Variants in GALNT18 observed in about 807,000 individuals in gnomAD.
The protein encoded by GALNT18 is GalNAc-transferase 18.
A neutral mutation model predicts 69.5 loss-of-function variants in GALNT18; 44 were observed. The observed-to-expected ratio is 0.63, with a 90% CI of 0.50 to 0.81. GALNT18 has a LOEUF of 0.81. Among genes scored for constraint, GALNT18 ranks in the 40% least tolerant of loss-of-function variants. The pLI is 0.00. For missense variants in GALNT18, 715 were observed against 810.0 expected (o/e 0.88, Z 1.42); for synonymous variants, 364 against 318.2 (o/e 1.14, Z -1.53).
chr11:11,433,608 TGA>T (rs1321567294), intron 2 of GALNT18, among the ~76,000 whole-genome samples: 1 of 152,204 alleles, frequency 6.6e-6, no homozygotes, highest in Non-Finnish European at 1.5e-5. Context: ...GGTGGTCTCT[TGA>T]GGACTTGAGG....
At chr11:11,535,638 C>A (rs1050861002) in intron 1 of GALNT18, among the ~76,000 whole-genome samples, 1 of 152,184 alleles carries the variant, frequency 6.6e-6, no homozygotes, top group Non-Finnish European at 1.5e-5. Context: ...GCTCAGATGC[C>A]GTTGGCCAGA....
chr11:11,502,829 A>G (rs1210154702), intron 1 of GALNT18, among the ~76,000 whole-genome samples: 1 of 152,190 alleles, frequency 6.6e-6, no homozygotes, highest in Non-Finnish European at 1.5e-5. Flanking sequence ...TCACGGCTGA[A>G]TTCCTTCCCA....
rs201231548 is a variant in GALNT18 at position 11,332,792 on chromosome 11, C to A, written c.1318G>T (p.Ala440Ser). ...TTGCACTGCAGCTGTTTCCTGAGAG[C>A]CTTCCTTGCAGTGATGTCCCCAATG... is the stretch of plus-strand genomic sequence containing the variant. The part of the protein sequence containing the change: ...IDIGDITARK[A>S]LRKQLQCKTF... Residue 440 changes from alanine (A) to serine (S), a missense_variant, in exon 8 of 11, where the codon GCT becomes TCT. Ala to Ser is a moderately conservative substitution (Grantham distance 99). Coordinates refer to ENST00000227756, the MANE Select transcript of GALNT18 (RefSeq NM_198516.3). The surrounding 1 kb of genome is among the most constrained non-coding windows in gnomAD (Gnocchi z 4.3). 1.9e-6 allele frequency: 3 copies of A among 1,613,960 alleles called. No individual in the cohort carries two copies. The African/African-American group carries it at 4.0e-5, about 22-fold the overall frequency.
Position 11,542,334 on chromosome 11 carries a change from T to C in GALNT18, c.235+79025A>G, listed in dbSNP as rs938673878. On this transcript the variant is annotated intron_variant, in intron 1 of 10. Coordinates refer to ENST00000227756, the MANE Select transcript of GALNT18 (RefSeq NM_198516.3). This position sits in a 1 kb window ranked among gnomAD's most constrained non-coding sequence, Gnocchi z 4.3. Reference sequence around the variant, plus strand: ...AGCAAGCCATGGACAGACGCCTCCATGCTACCATAGCAACCTGGACCTCCT... The same window carrying C: ...AGCAAGCCATGGACAGACGCCTCCACGCTACCATAGCAACCTGGACCTCCT... Among the ~76,000 whole-genome samples the C allele has an allele frequency of 2.6e-5, 4 of 152,188 alleles. No homozygotes were observed. Among genetic ancestry groups the C allele is most frequent in the African/African-American group, 9.7e-5 (4 of 41,448 alleles).
chr11:11,343,218 C>T lies in GALNT18; in HGVS notation c.1093-2214G>A, dbSNP rs139717312. ...AAAAAGTTACCCGGGCGTGGTGGCA[C>T]GTGCCTGTAGTCCCAGCAACTTGGA... On this transcript the variant is annotated intron_variant, in intron 6 of 10. Coordinates refer to ENST00000227756, the MANE Select transcript of GALNT18 (RefSeq NM_198516.3). 4.0e-3 allele frequency among the ~76,000 whole-genome samples: 603 copies of T among 152,076 alleles called. 5 individuals carry two copies. The highest frequency in any genetic ancestry group is 0.014 in the African/African-American group (571 of 41,478).
intron 1 of GALNT18, among the ~76,000 whole-genome samples, chr11:11,471,330 G>A (rs138576828): frequency 2.6e-5 from 4 of 152,286 alleles, no homozygotes; most frequent in Non-Finnish European, 4.4e-5. Context: ...AAACCCACTC[G>A]ATAAGTCATG....
chr11:11,467,026 A>T (rs1856168602), intron 1 of GALNT18, among the ~76,000 whole-genome samples: 1 of 152,226 alleles, frequency 6.6e-6, no homozygotes, highest in African/African-American at 2.4e-5. Flanking sequence ...GATTAATAAA[A>T]GATGGAAAAT....
chr11:11,524,807 C>A (rs865818986), intron 1 of GALNT18, among the ~76,000 whole-genome samples: 1 of 152,202 alleles, frequency 6.6e-6, no homozygotes, highest in African/African-American at 2.4e-5. Context: ...AGTGAACAAA[C>A]GAAATGTATA....
At chr11:11,285,131 C>T (rs1360151795) in intron 10 of GALNT18, among the ~76,000 whole-genome samples, 3 of 151,944 alleles carry the variant, frequency 2.0e-5, no homozygotes, top group Non-Finnish European at 4.4e-5. Context: ...CCAGTCCACA[C>T]ATATTTGCGA....
chr11:11,376,791 C>A (rs916972408), intron 5 of GALNT18, among the ~76,000 whole-genome samples: 3 of 152,154 alleles, frequency 2.0e-5, no homozygotes, highest in Non-Finnish European at 4.4e-5. Flanking sequence ...CTCTGAAAAG[C>A]ATTTCCCCGC....
At position 11,461,497 on chromosome 11, in the gene GALNT18, C is replaced by A. The variant is rs566287299; in HGVS notation, c.236-12561G>T. Among the ~76,000 whole-genome samples the A allele has an allele frequency of 1.3e-5, 2 of 152,122 alleles. No individual in the cohort carries two copies. The highest frequency in any genetic ancestry group is 4.8e-5 in the African/African-American group (2 of 41,412). The stretch of plus-strand genomic sequence containing the variant: ...CCATTACTTGCTACTTTAAAGCAAC[C>A]TTTAAAGCTAGAATTCTGCCTAGGA... On this transcript the variant is annotated intron_variant, in intron 1 of 10. Coordinates refer to ENST00000227756, the MANE Select transcript of GALNT18 (RefSeq NM_198516.3). This position sits in a 1 kb window ranked among gnomAD's most constrained non-coding sequence, Gnocchi z 4.1.
rs534002735 is a variant in GALNT18 at position 11,604,414 on chromosome 11, C to T, written c.235+16945G>A. Among the ~76,000 whole-genome samples the T allele has an allele frequency of 6.6e-6, 1 of 152,302 alleles. No individual in the cohort carries two copies. Among genetic ancestry groups the T allele is most frequent in the East Asian group, 1.9e-4 (1 of 5,178 alleles). On this transcript the variant is annotated intron_variant, in intron 1 of 10. Transcript: ENST00000227756. The surrounding 1 kb of genome is among the most constrained non-coding windows in gnomAD (Gnocchi z 5.6). ...ACTATTCAGGTAGCCCATTCCTGAT[C>T]CCACACTGCTGGAGAGTGGGGAAGG... is the stretch of plus-strand genomic sequence containing the variant.
chr11:11,271,353 C>T (rs929178498), intron 10 of GALNT18, 63 bp from the exon 11 acceptor site: 1 of 1,561,330 alleles, frequency 6.4e-7, no homozygotes, highest in Admixed American at 1.7e-5. Context: ...AATTCGGGAG[C>T]CTCAGGCCAA....
At chr11:11,450,078 A>ATTGG (rs1229410118) in intron 1 of GALNT18, among the ~76,000 whole-genome samples, 1 of 143,004 alleles carries the variant, frequency 7.0e-6, no homozygotes, top group East Asian at 3.0e-4. Context: ...ATTGGACAGA[A>ATTGG]CTGGCAAGCC....
At position 11,591,214 on chromosome 11, in the gene GALNT18, T is replaced by A. The variant is rs114992890; in HGVS notation, c.235+30145A>T. The stretch of plus-strand genomic sequence containing the variant: ...TTTTTAAGCCTTTTTAAGGCCTTTT[T>A]AAGGCTTTGTAAGGCTTAAAAGCTA... On this transcript the variant is annotated intron_variant, in intron 1 of 10. Transcript: ENST00000227756. This position sits in a 1 kb window ranked among gnomAD's most constrained non-coding sequence, Gnocchi z 4.8. Among the ~76,000 whole-genome samples the A allele has an allele frequency of 3.5e-3, 533 of 152,176 alleles. 6 individuals are homozygous for A. Among genetic ancestry groups the A allele is most frequent in the African/African-American group, 0.012 (504 of 41,512 alleles).
At chr11:11,301,518 C>T (rs1461217935) in intron 9 of GALNT18, among the ~76,000 whole-genome samples, 1 of 152,164 alleles carries the variant, frequency 6.6e-6, no homozygotes, top group Admixed American at 6.5e-5. Context: ...ACGAGGTCCA[C>T]GTGAGGAATG....
chr11:11,512,174 GC>G (rs1471986233), intron 1 of GALNT18, among the ~76,000 whole-genome samples: 1 of 152,144 alleles, frequency 6.6e-6, no homozygotes, highest in Non-Finnish European at 1.5e-5. Flanking sequence ...GAAACCGCCT[GC>G]CCCCATGGGT....
At chr11:11,489,002 C>A (rs939169672) in intron 1 of GALNT18, among the ~76,000 whole-genome samples, 1 of 152,172 alleles carries the variant, frequency 6.6e-6, no homozygotes, top group Non-Finnish European at 1.5e-5. Flanking sequence ...GCTTAGTCAG[C>A]CATAGAAATT....
intron 1 of GALNT18, among the ~76,000 whole-genome samples, chr11:11,607,782 GAC>G (rs1239824961): frequency 6.6e-6 from 1 of 152,122 alleles, no homozygotes; most frequent in Non-Finnish European, 1.5e-5. Flanking sequence ...TCCTCAAGAA[GAC>G]ACTCTCCACC....
Sources: gnomAD v4.1 joint callset for allele counts (sites outside exome capture counted in the v4.1 genomes callset) on GRCh38, gnomAD v4.1.1 for gene constraint, Gnocchi (gnomAD v3.1) non-coding constraint, MANE v1.5 for transcripts, NCBI Gene and HGNC (gene_info 2026-07-23, HGNC 2026-07-21) for gene names.